TNRC6B: variants seen among roughly 807,000 people sequenced by gnomAD.
TNRC6B encodes the protein trinucleotide repeat-containing gene 6B protein.
Under a neutral mutation model 203.6 loss-of-function variants are expected in TNRC6B, and 52 were observed. That is an observed-to-expected ratio of 0.26 (90% CI 0.20 to 0.32). TNRC6B has a LOEUF of 0.32. Among genes scored for constraint, TNRC6B ranks in the 10% least tolerant of loss-of-function variants. TNRC6B has a pLI of 1.00. For synonymous variants in TNRC6B, 838 were observed against 845.7 expected (o/e 0.99, Z 0.16); for missense variants, 1,923 against 2,286.2 (o/e 0.84, Z 3.24).
intron 3 of TNRC6B, among the ~76,000 whole-genome samples, chr22:40,254,613 C>T (rs62238017): frequency 0.026 from 4,020 of 152,250 alleles, 85 homozygotes; most frequent in Middle Eastern, 0.082. Flanking sequence ...ATAGGCCGAG[C>T]GCGGTGGCTC....
intron 1 of TNRC6B, among the ~76,000 whole-genome samples, chr22:40,103,396 AG>A (rs752030534): frequency 6.6e-6 from 1 of 152,074 alleles, no homozygotes; most frequent in Non-Finnish European, 1.5e-5. Context: ...GCCATGCCCC[AG>A]GCAGCCCCTG....
intron 7 of TNRC6B, among the ~76,000 whole-genome samples, chr22:40,274,973 A>G (rs998944931): frequency 6.6e-6 from 1 of 152,248 alleles, no homozygotes; most frequent in African/African-American, 2.4e-5. Flanking sequence ...TTGGCACCCT[A>G]TGAAACGGTT....
intron 3 of TNRC6B, among the ~76,000 whole-genome samples, chr22:40,126,664 C>T (rs957555646): frequency 7.5e-6 from 1 of 132,616 alleles, no homozygotes; most frequent in African/African-American, 2.9e-5. Context: ...GATCTTGACT[C>T]ATTGCAGCCT....
Position 40,327,631 on chromosome 22 carries a change from G to T in TNRC6B, c.*4390G>T, listed in dbSNP as rs764575231. The T allele has an allele frequency of 6.6e-6, 1 of 152,172 alleles. No homozygotes were observed. The highest frequency in any genetic ancestry group is 2.4e-5 in the African/African-American group (1 of 41,414). 9.4% of individuals were successfully genotyped at this position (152,172 alleles called of 1,614,324 possible). On this transcript the variant is annotated 3_prime_UTR_variant, in exon 23 of 23. Coordinates refer to ENST00000454349, the MANE Select transcript of TNRC6B (RefSeq NM_001162501.2). ...GGCAGTGACCTAAGAACAGGATATG[G>T]TGAGGATGTCATGGAAGAGAAGAGC...
intron 1 of TNRC6B, 86 bp from the exon 2 acceptor site, chr22:40,245,929 C>T: frequency 1.0e-6 from 1 of 994,244 alleles, no homozygotes; most frequent in East Asian, 2.9e-5. Context: ...TGTCGTCTTG[C>T]CCACCACTTA....
chr22:40,122,698 T>C (rs760191206), intron 2 of TNRC6B, among the ~76,000 whole-genome samples: 1 of 152,188 alleles, frequency 6.6e-6, no homozygotes, highest in African/African-American at 2.4e-5. Flanking sequence ...TTTCACAGCA[T>C]GTCCAAAGGG....
chr22:40,278,819 A>G (rs2070687412), intron 9 of TNRC6B, among the ~76,000 whole-genome samples: 1 of 152,202 alleles, frequency 6.6e-6, no homozygotes. Context: ...TGCTCACTGC[A>G]ACCTCTGCCT....
chr22:40,210,362 G>T (rs775935479), intron 1 of TNRC6B, among the ~76,000 whole-genome samples: 1 of 152,180 alleles, frequency 6.6e-6, no homozygotes, highest in Non-Finnish European at 1.5e-5. Flanking sequence ...CCAGGCATTG[G>T]CCCCCTCACT....
intron 1 of TNRC6B, among the ~76,000 whole-genome samples, chr22:40,182,915 T>C (rs2069152825): frequency 6.6e-6 from 1 of 152,228 alleles, no homozygotes; most frequent in South Asian, 2.1e-4. Context: ...TTCCTAGTTA[T>C]TTTATCACAT....
intron 1 of TNRC6B, among the ~76,000 whole-genome samples, chr22:40,108,801 A>G (rs1304733970): frequency 6.6e-6 from 1 of 152,242 alleles, no homozygotes; most frequent in African/African-American, 2.4e-5. Context: ...GTTTCAGGGT[A>G]CATGTGCAGG....
In TNRC6B at chr22:40,315,380, C is replaced by T. The variant is rs1238469395; in HGVS notation, c.4776C>T (p.Ser1592=). ...SNKMWKNHIS[S]RNTTPLPRPP... ...AGATGTGGAAAAACCATATTTCCTC[C>T]AGGAACACTACACCGCTGCCCCGCC... Residue 1592 remains serine, a synonymous_variant, in exon 20 of 23, where the codon TCC becomes TCT. Transcript: ENST00000454349. 6.2e-7 allele frequency: 1 copy of T among 1,613,854 alleles called. No homozygotes were observed. The highest frequency in any genetic ancestry group is 1.3e-5 in the African/African-American group (1 of 74,918).
At chr22:40,260,227 A>G (rs1161329459) in intron 3 of TNRC6B, among the ~76,000 whole-genome samples, 4 of 152,086 alleles carry the variant, frequency 2.6e-5, no homozygotes, top group African/African-American at 4.8e-5. Flanking sequence ...AAGAAAAGCA[A>G]AAAGATTTGT....
chr22:40,171,561 GAAC>G (rs2068999139), intron 4 of TNRC6B, among the ~76,000 whole-genome samples: 1 of 152,026 alleles, frequency 6.6e-6, no homozygotes, highest in African/African-American at 2.4e-5. Context: ...TTTGTATTTT[GAAC>G]TTGTATTTTT....
At chr22:40,242,499 C>T (rs977465730) in intron 1 of TNRC6B, among the ~76,000 whole-genome samples, 21 of 149,020 alleles carry the variant, frequency 1.4e-4, no homozygotes, top group Admixed American at 1.3e-3. Flanking sequence ...GGCACGATTT[C>T]GGCCCACCGC....
intron 4 of TNRC6B, among the ~76,000 whole-genome samples, chr22:40,164,590 T>G (rs2068901402): frequency 6.6e-6 from 1 of 150,606 alleles, no homozygotes; most frequent in Non-Finnish European, 1.5e-5. Flanking sequence ...TGGAGAAACC[T>G]GGTCTGTACT....
chr22:40,138,823 A>G (rs927291094), intron 3 of TNRC6B, among the ~76,000 whole-genome samples: 1 of 152,232 alleles, frequency 6.6e-6, no homozygotes. Context: ...AAGTACCAAA[A>G]CAAACAAAAC....
chr22:40,265,162 G>C lies in TNRC6B; in HGVS notation c.932G>C (p.Trp311Ser). ...NFNPNSNPSA[W>S]PALVQEGTSR... Reference sequence around the variant, plus strand: ...AACCCAAATAGCAACCCATCTGCCTGGCCAGCACTGGTCCAAGAAGGAACT... The same window carrying C: ...AACCCAAATAGCAACCCATCTGCCTCGCCAGCACTGGTCCAAGAAGGAACT... Residue 311 changes from tryptophan (W) to serine (S), a missense_variant, in exon 5 of 23, where the codon TGG becomes TCG. Trp to Ser is a radical substitution (Grantham distance 177). This residue lies in a region of TNRC6B where 614 missense variants were observed against 587.7 expected (regional missense o/e 1.04). Transcript: ENST00000454349. 7 of 1,613,940 alleles carry C rather than the reference G, an allele frequency of 4.3e-6. No homozygotes were observed. The highest frequency in any genetic ancestry group is 5.9e-6 in the Non-Finnish European group (7 of 1,179,876).
In TNRC6B at chr22:40,148,357, C is replaced by T. The variant is rs1437956291; in HGVS notation, c.46-7758C>T. ...GCAGTGCAGTGGCACAATCTCGGCTCACTGCAACCTCCGCCTCCCGGGTTC... is the reference window on the plus strand; with the variant it reads ...GCAGTGCAGTGGCACAATCTCGGCTTACTGCAACCTCCGCCTCCCGGGTTC... On this transcript the variant is annotated intron_variant, in intron 3 of 23. Coordinates refer to the TNRC6B transcript ENST00000301923. Among the ~76,000 whole-genome samples, 6 of 149,726 alleles carry T rather than the reference C, an allele frequency of 4.0e-5. No homozygotes were observed. In the Admixed American group the frequency reaches 4.0e-4, roughly 10 times the overall value.
chr22:40,147,012 G>A (rs1175701045), intron 3 of TNRC6B, among the ~76,000 whole-genome samples: 1 of 141,356 alleles, frequency 7.1e-6, no homozygotes, highest in Non-Finnish European at 1.5e-5. Context: ...TTACTTAGAG[G>A]TATTCACAAT....
Sources: gnomAD v4.1 joint callset for allele counts (sites outside exome capture counted in the v4.1 genomes callset) on GRCh38, gnomAD v4.1.1 for gene constraint, gnomAD v4.1.1 regional missense constraint, MANE v1.5 for transcripts, NCBI Gene and HGNC (gene_info 2026-07-23, HGNC 2026-07-21) for gene names.